SORCS1: variants seen among roughly 807,000 people sequenced by gnomAD.
SORCS1 encodes the protein VPS10 domain-containing receptor SorCS1.
SORCS1 carries 60 observed loss-of-function variants against 146.1 expected under a neutral mutation model. The observed-to-expected ratio is 0.41, with a 90% CI of 0.33 to 0.51. The LOEUF is 0.51. Among genes scored for constraint, SORCS1 ranks in the 20% least tolerant of loss-of-function variants. The pLI is 0.21. For missense variants in SORCS1, 1,352 were observed against 1,487.6 expected (o/e 0.91, Z 1.50); for synonymous variants, 637 against 584.0 (o/e 1.09, Z -1.31).
At chr10:106,810,223 GA>G (rs141845402) in intron 3 of SORCS1, among the ~76,000 whole-genome samples, 1,664 of 145,772 alleles carry the variant, frequency 0.011, 18 homozygotes, top group African/African-American at 0.031. Flanking sequence ...TCCGTCTCAG[GA>G]AAAAAAAAAA....
chr10:106,930,901 A>G (rs1953384916), intron 2 of SORCS1, among the ~76,000 whole-genome samples: 1 of 152,136 alleles, frequency 6.6e-6, no homozygotes, highest in Admixed American at 6.5e-5. Flanking sequence ...AAGAAAAGGT[A>G]ATTTCAGCAG....
At chr10:107,168,846 C>A (rs1970104062), upstream of SORCS1, among the ~76,000 whole-genome samples, 1 of 152,070 alleles carries the variant, frequency 6.6e-6, no homozygotes, top group South Asian at 2.1e-4. Flanking sequence ...CTGTTTTACT[C>A]CAAATCCAAC....
chr10:106,801,256 CAG>C (rs1463698825), intron 3 of SORCS1, among the ~76,000 whole-genome samples: 1 of 151,608 alleles, frequency 6.6e-6, no homozygotes, highest in Non-Finnish European at 1.5e-5. Flanking sequence ...AGAGAATAAA[CAG>C]AAAGAAGAAA....
intron 1 of SORCS1, among the ~76,000 whole-genome samples, chr10:107,127,185 G>C (rs1966759959): frequency 6.6e-6 from 1 of 152,134 alleles, no homozygotes; most frequent in Non-Finnish European, 1.5e-5. Flanking sequence ...GCTAGATCTT[G>C]CCATTAGGTA....
intron 2 of SORCS1, among the ~76,000 whole-genome samples, chr10:106,941,288 G>T (rs1172265848): frequency 1.3e-5 from 2 of 152,172 alleles, no homozygotes; most frequent in African/African-American, 4.8e-5. Context: ...TTGTCTGTTG[G>T]TGTTGTATTA....
chr10:106,614,319 A>G (rs1354901179), intron 21 of SORCS1, among the ~76,000 whole-genome samples: 4 of 152,196 alleles, frequency 2.6e-5, no homozygotes, highest in African/African-American at 7.2e-5. Flanking sequence ...GGGGATGCCA[A>G]TTTACATTCA....
intron 2 of SORCS1, among the ~76,000 whole-genome samples, chr10:106,867,886 A>C (rs1354976567): frequency 1.3e-5 from 2 of 152,210 alleles, no homozygotes; most frequent in Non-Finnish European, 2.9e-5. Context: ...AACTGGCTAA[A>C]TGCCCCACTT....
chr10:106,951,059 G>T (rs774094604), intron 2 of SORCS1, among the ~76,000 whole-genome samples: 1 of 152,166 alleles, frequency 6.6e-6, no homozygotes. Context: ...ACTTATGGTT[G>T]TGTGAAAGTC....
chr10:107,031,623 GA>G (rs1366858935), intron 1 of SORCS1, among the ~76,000 whole-genome samples: 1 of 151,374 alleles, frequency 6.6e-6, no homozygotes, highest in East Asian at 1.9e-4. Flanking sequence ...TGGTGGGGGG[GA>G]ATAGGGTCTC....
intron 23 of SORCS1, among the ~76,000 whole-genome samples, chr10:106,602,032 C>G (rs1239785740): frequency 6.6e-6 from 1 of 152,154 alleles, no homozygotes; most frequent in African/African-American, 2.4e-5. Flanking sequence ...GGGGGAAACA[C>G]TATCAGATGA....
chr10:107,125,537 T>C (rs1966666678), intron 1 of SORCS1, among the ~76,000 whole-genome samples: 1 of 152,214 alleles, frequency 6.6e-6, no homozygotes, highest in African/African-American at 2.4e-5. Context: ...AATTTTTGCA[T>C]ACAGAAGACA....
At chr10:107,020,778 T>C (rs1370936170) in intron 1 of SORCS1, among the ~76,000 whole-genome samples, 1 of 152,234 alleles carries the variant, frequency 6.6e-6, no homozygotes, top group African/African-American at 2.4e-5. Context: ...ATTCAGAGGA[T>C]GTTATTTTAA....
chr10:106,718,720 C>A (rs1345586933), intron 6 of SORCS1, among the ~76,000 whole-genome samples: 1 of 152,204 alleles, frequency 6.6e-6, no homozygotes, highest in Non-Finnish European at 1.5e-5. Flanking sequence ...TTACAGAGTG[C>A]TGATTGGTCC....
At chr10:107,131,471 C>G (rs949927769) in intron 1 of SORCS1, among the ~76,000 whole-genome samples, 2 of 152,160 alleles carry the variant, frequency 1.3e-5, no homozygotes, top group Admixed American at 6.5e-5. Flanking sequence ...GCCTTTAATC[C>G]CAGCACTTTG....
At chr10:106,684,435 G>C (rs969054987) in intron 10 of SORCS1, among the ~76,000 whole-genome samples, 2 of 152,176 alleles carry the variant, frequency 1.3e-5, no homozygotes, top group African/African-American at 4.8e-5. Context: ...CCAAGGATTT[G>C]TCACAGGCTC....
intron 9 of SORCS1, among the ~76,000 whole-genome samples, chr10:106,695,541 G>T (rs1470467835): frequency 6.6e-6 from 1 of 152,156 alleles, no homozygotes; most frequent in African/African-American, 2.4e-5. Context: ...TCTTGCAAAA[G>T]TTGCTGTATT....
chr10:106,886,636 C>G (rs1053288691), intron 2 of SORCS1, among the ~76,000 whole-genome samples: 1 of 152,176 alleles, frequency 6.6e-6, no homozygotes, highest in Non-Finnish European at 1.5e-5. Flanking sequence ...TATTAAAGAT[C>G]CTGAATACCT....
chr10:107,152,175 C>T (rs961329196), intron 1 of SORCS1, among the ~76,000 whole-genome samples: 1 of 152,088 alleles, frequency 6.6e-6, no homozygotes, highest in Non-Finnish European at 1.5e-5. Flanking sequence ...TGGTGTTAGC[C>T]CTGTGGGTGT....
In SORCS1 at chr10:106,958,377, T is replaced by C. The variant is rs149379092; in HGVS notation, c.559-1797A>G. On this transcript the variant is annotated intron_variant, in intron 1 of 25. Transcript: ENST00000263054. ...GGATCAGTTCTAGCCACAGTAAGCA[T>C]AGAACATTCTAACCTTAAATTCCGG... Among the ~76,000 whole-genome samples the C allele has an allele frequency of 2.8e-4, 43 of 152,308 alleles. No homozygotes were observed. The East Asian group carries it at 7.5e-3, about 27-fold the overall frequency.
Sources: allele counts gnomAD v4.1 joint callset (sites outside exome capture counted in the v4.1 genomes callset), GRCh38; gene constraint gnomAD v4.1.1; transcripts MANE v1.5; gene names NCBI Gene and HGNC (gene_info 2026-07-23, HGNC 2026-07-21).